The following APBA1 variants were observed in gnomAD, a reference collection of about 807,000 sequenced individuals.
APBA1 encodes the protein amyloid beta precursor protein binding family A member 1, also known as amyloid-beta A4 precursor protein-binding family A member 1.
A neutral mutation model predicts 86.6 loss-of-function variants in APBA1; 55 were observed. The observed-to-expected ratio is 0.64, with a 90% CI of 0.51 to 0.80. The LOEUF (loss-of-function observed/expected upper bound fraction) is 0.80. Ranked by LOEUF, APBA1 falls within the 30% of genes least tolerant of loss-of-function variation. APBA1 has a pLI of 0.00. For missense variants in APBA1, 1,090 were observed against 1,183.0 expected (o/e 0.92, Z 1.15); for synonymous variants, 511 against 493.9 (o/e 1.03, Z -0.46).
rs1328769328 is a variant in APBA1, at chr9:69,517,286, A to C, written c.-69-7T>G. On this transcript the variant is annotated splice_polypyrimidine_tract_variant and splice_region_variant and intron_variant, in intron 1 of 12. Coordinates refer to ENST00000265381, the MANE Select transcript of APBA1 (RefSeq NM_001163.4). ...CTCATTTTGCTCCACTGGGCTGGAA[A>C]AACAAGAAGGGGAGAGGCTGTCACG... 1 of 1,397,302 alleles carries C rather than the reference A, an allele frequency of 7.2e-7. No homozygotes were observed. The highest frequency in any genetic ancestry group is 9.3e-7 in the Non-Finnish European group (1 of 1,080,456). 86.6% of individuals were successfully genotyped at this position (1,397,302 alleles called of 1,614,324 possible).
At chr9:69,446,957 C>T (rs940009148) in intron 10 of APBA1, among the ~76,000 whole-genome samples, 2 of 152,200 alleles carry the variant, frequency 1.3e-5, no homozygotes, top group Admixed American at 6.5e-5. Flanking sequence ...GTACCACAGA[C>T]TAGGTGGCTT....
intron 9 of APBA1, among the ~76,000 whole-genome samples, chr9:69,451,018 G>T (rs1163111414): frequency 4.6e-5 from 7 of 152,170 alleles, no homozygotes; most frequent in Admixed American, 4.6e-4. Flanking sequence ...GAGACAATAG[G>T]TTTGTGTTGT....
At chr9:69,575,954 C>T (rs1821786774) in intron 1 of APBA1, among the ~76,000 whole-genome samples, 1 of 152,152 alleles carries the variant, frequency 6.6e-6, no homozygotes, top group Non-Finnish European at 1.5e-5. Context: ...TTGCAAGCTA[C>T]TCATCTGACA....
chr9:69,474,790 T>C (rs1835416667), intron 3 of APBA1, among the ~76,000 whole-genome samples: 1 of 152,236 alleles, frequency 6.6e-6, no homozygotes. Flanking sequence ...TTTTCCTTTG[T>C]GTAAATATTT....
chr9:69,520,767 T>G (rs1031346133), intron 1 of APBA1, among the ~76,000 whole-genome samples: 1 of 152,102 alleles, frequency 6.6e-6, no homozygotes. Flanking sequence ...CCTTCCCTTA[T>G]CTCCCTCCTC....
chr9:69,528,406 G>T (rs1205777183), intron 1 of APBA1, among the ~76,000 whole-genome samples: 1 of 151,934 alleles, frequency 6.6e-6, no homozygotes, highest in Non-Finnish European at 1.5e-5. Context: ...TTATCATTCT[G>T]ATTCCAATAA....
intron 1 of APBA1, among the ~76,000 whole-genome samples, chr9:69,610,677 T>C (rs911024031): frequency 1.3e-5 from 2 of 152,266 alleles, no homozygotes; most frequent in South Asian, 2.1e-4. Flanking sequence ...GAAAAACTAC[T>C]AAGGCAGTCA....
intron 1 of APBA1, among the ~76,000 whole-genome samples, chr9:69,590,556 C>T (rs1822109838): frequency 6.6e-6 from 1 of 152,226 alleles, no homozygotes; most frequent in Admixed American, 6.5e-5. Flanking sequence ...AATGCATTCA[C>T]ATGGGCTGGC....
chr9:69,551,629 T>C (rs1247192434), intron 1 of APBA1, among the ~76,000 whole-genome samples: 1 of 152,172 alleles, frequency 6.6e-6, no homozygotes, highest in African/African-American at 2.4e-5. Flanking sequence ...ATCTCTTTGT[T>C]TTCTGTATTT....
intron 11 of APBA1, among the ~76,000 whole-genome samples, chr9:69,435,732 T>C (rs982370104): frequency 2.6e-5 from 4 of 152,366 alleles, no homozygotes; most frequent in Non-Finnish European, 5.9e-5. Flanking sequence ...TTTCTCCCTT[T>C]CTGTAGGTTG....
In APBA1 at chr9:69,567,338, C is replaced by T. The variant is rs577130770; in HGVS notation, c.-69-50059G>A. On this transcript the variant is annotated intron_variant, in intron 1 of 12. Coordinates refer to ENST00000265381, the MANE Select transcript of APBA1 (RefSeq NM_001163.4). Reference sequence around the variant, plus strand: ...CTTCAAATGCTAAGGAAATTCCTGCCGCCCCCACCGCCATGCAACACAGAG... The same window carrying T: ...CTTCAAATGCTAAGGAAATTCCTGCTGCCCCCACCGCCATGCAACACAGAG... Among the ~76,000 whole-genome samples the T allele has an allele frequency of 5.9e-5, 9 of 152,160 alleles. No homozygotes were observed. The South Asian group carries it at 1.5e-3, about 25-fold the overall frequency.
intron 1 of APBA1, among the ~76,000 whole-genome samples, chr9:69,647,746 A>G (rs1177055088): frequency 6.6e-6 from 1 of 152,290 alleles, no homozygotes; most frequent in East Asian, 1.9e-4. Context: ...ATGAGCACAC[A>G]AAGACAGAAT....
chr9:69,552,445 A>G (rs532667954), intron 1 of APBA1, among the ~76,000 whole-genome samples: 1 of 152,236 alleles, frequency 6.6e-6, no homozygotes, highest in African/African-American at 2.4e-5. Flanking sequence ...ACTCACATTC[A>G]TCTCTAAGTA....
intron 1 of APBA1, among the ~76,000 whole-genome samples, chr9:69,539,073 C>G (rs1836558157): frequency 1.3e-5 from 2 of 152,204 alleles, no homozygotes; most frequent in South Asian, 4.1e-4. Flanking sequence ...GCTGGTTTCT[C>G]TTTATCCGTC....
At chr9:69,667,025 C>T (rs1823853584) in intron 1 of APBA1, among the ~76,000 whole-genome samples, 3 of 152,104 alleles carry the variant, frequency 2.0e-5, no homozygotes, top group Non-Finnish European at 2.9e-5. Context: ...TTTACATGTA[C>T]GTCACTGTAA....
chr9:69,536,395 T>G (rs1007338629), intron 1 of APBA1, among the ~76,000 whole-genome samples: 3 of 151,992 alleles, frequency 2.0e-5, no homozygotes, highest in African/African-American at 7.2e-5. Flanking sequence ...TGATGGCCAG[T>G]CTTGATTCCT....
At chr9:69,494,127 T>C (rs181506287) in intron 2 of APBA1, among the ~76,000 whole-genome samples, 2 of 152,232 alleles carry the variant, frequency 1.3e-5, no homozygotes, top group Admixed American at 6.5e-5. Flanking sequence ...TATCACGGCA[T>C]TGTAGGGGCA....
chr9:69,626,622 G>A (rs1263194676), intron 1 of APBA1, among the ~76,000 whole-genome samples: 2 of 152,078 alleles, frequency 1.3e-5, no homozygotes, highest in African/African-American at 4.8e-5. Context: ...CCCTTTATCT[G>A]TCAATGAATT....
chr9:69,470,675 G>A (rs1023921176), intron 4 of APBA1, among the ~76,000 whole-genome samples: 10 of 152,256 alleles, frequency 6.6e-5, no homozygotes, highest in African/African-American at 1.9e-4. Flanking sequence ...GACTGTTTAC[G>A]CACAGGATCC....
Sources: allele counts gnomAD v4.1 joint callset (sites outside exome capture counted in the v4.1 genomes callset), GRCh38; gene constraint gnomAD v4.1.1; transcripts MANE v1.5; gene names NCBI Gene and HGNC (gene_info 2026-07-23, HGNC 2026-07-21).